XYLT1: variants seen among roughly 807,000 people sequenced by gnomAD.
XYLT1 encodes beta-D-xylosyltransferase 1.
A neutral mutation model predicts 91.3 loss-of-function variants in XYLT1; 36 were observed. That is an observed-to-expected ratio of 0.39 (90% confidence interval 0.30 to 0.52). XYLT1 has a LOEUF of 0.52. XYLT1 is among the 20% of genes least tolerant of loss of function. The pLI, the probability that XYLT1 is intolerant of heterozygous loss-of-function variation, is 0.68. For missense variants in XYLT1, 1,242 were observed against 1,284.5 expected, an observed-to-expected ratio of 0.97 and a Z score of 0.51; for synonymous variants, 588 against 532.0, an observed-to-expected ratio of 1.11 and a Z score of -1.45.
At chr16:17,126,574 A>C (rs1216212450) in intron 10 of XYLT1, among the ~76,000 whole-genome samples, 2 of 152,212 alleles carry the variant, frequency 1.3e-5, no homozygotes, top group Non-Finnish European at 2.9e-5. Context: ...AAGGACTGTC[A>C]AGGAAAATAT....
intron 5 of XYLT1, among the ~76,000 whole-genome samples, chr16:17,176,587 A>T (rs984863680): frequency 1.3e-5 from 2 of 152,238 alleles, no homozygotes; most frequent in Non-Finnish European, 2.9e-5. Context: ...GACTAGCAGA[A>T]GGAGGTTTGT....
At chr16:17,223,092 C>T (rs910623697) in intron 3 of XYLT1, among the ~76,000 whole-genome samples, 10 of 152,020 alleles carry the variant, frequency 6.6e-5, no homozygotes, top group African/African-American at 2.4e-4. Context: ...CTGTCTCTTT[C>T]GTGCAAGCCT....
At position 17,122,912 on chromosome 16, in the gene XYLT1, T is replaced by G. The variant is rs1159980909; in HGVS notation, c.2223+4754A>C. Among the ~76,000 whole-genome samples the G allele has an allele frequency of 2.0e-5, 3 of 152,214 alleles. No individual in the cohort carries two copies. The South Asian group carries it at 6.2e-4, about 31-fold the overall frequency. On this transcript the variant is annotated intron_variant, in intron 10 of 11. Coordinates refer to ENST00000261381, the MANE Select transcript of XYLT1 (RefSeq NM_022166.4). The stretch of plus-strand genomic sequence containing the variant: ...AGTATTTGGCTTTATTTCTGGGTTC[T>G]CTATTCTGTTCCACTGTTCTATATG...
At chr16:17,161,675 G>GCTCT (rs111901583) in intron 5 of XYLT1, among the ~76,000 whole-genome samples, 2,212 of 94,552 alleles carry the variant, frequency 0.023, 51 homozygotes, top group African/African-American at 0.071. Context: ...AGTTTCTCGC[G>GCTCT]CGCTCTCTCT....
rs1472239554 is a variant in XYLT1 at position 17,106,336 on chromosome 16, C to A, written c.*2359G>T. ...AGTGGCTTCGGCAGCCCCAGGGAAA[C>A]CCTGGCCAGAGGCAGAGGCCGGGGG... On this transcript the variant is annotated 3_prime_UTR_variant, in exon 12 of 12. Coordinates refer to ENST00000261381, the MANE Select transcript of XYLT1 (RefSeq NM_022166.4). 1 of 152,332 alleles carries A rather than the reference C, an allele frequency of 6.6e-6. No individual in the cohort carries two copies. The highest frequency in any genetic ancestry group is 1.5e-5 in the Non-Finnish European group (1 of 68,148). The allele number at this position is 152,332 out of a possible 1,614,324, so 9.4% of individuals were successfully genotyped here.
At chr16:17,114,591 C>T (rs1966848315) in intron 11 of XYLT1, among the ~76,000 whole-genome samples, 2 of 152,164 alleles carry the variant, frequency 1.3e-5, no homozygotes, top group Non-Finnish European at 2.9e-5. Context: ...TCCCAAACAA[C>T]TCCCTTTGCT....
At chr16:17,334,987 G>T (rs1350285089) in intron 2 of XYLT1, among the ~76,000 whole-genome samples, 1 of 152,154 alleles carries the variant, frequency 6.6e-6, no homozygotes, top group Non-Finnish European at 1.5e-5. Flanking sequence ...ACTCTAGGAG[G>T]CTGAGGTGGG....
At chr16:17,197,044 G>T (rs919067977) in intron 5 of XYLT1, among the ~76,000 whole-genome samples, 3 of 110,924 alleles carry the variant, frequency 2.7e-5, no homozygotes, top group African/African-American at 1.2e-4. Context: ...TATATATACC[G>T]TTCAGAATAT....
intron 1 of XYLT1, among the ~76,000 whole-genome samples, chr16:17,460,920 C>A (rs1026746764): frequency 2.0e-5 from 3 of 152,196 alleles, no homozygotes; most frequent in African/African-American, 7.2e-5. Context: ...GGTGGCAGAG[C>A]AGAGCACTGA....
Position 17,118,973 on chromosome 16 carries a change from C to T in XYLT1, c.2224-994G>A, listed in dbSNP as rs189856919. ...ACAGAGTCTTTATCTGACCACCCCC[C>T]ACCCCAAATTTCAAATGGACCTTCA... is the stretch of plus-strand genomic sequence containing the variant. On this transcript the variant is annotated intron_variant, in intron 10 of 11. Transcript: ENST00000261381. Among the ~76,000 whole-genome samples, 17 of 152,294 alleles carry T rather than the reference C, an allele frequency of 1.1e-4. No individual in the cohort carries two copies. The East Asian group carries it at 1.2e-3, about 10-fold the overall frequency.
intron 2 of XYLT1, among the ~76,000 whole-genome samples, chr16:17,309,934 C>T (rs1170669151): frequency 6.6e-6 from 1 of 152,030 alleles, no homozygotes; most frequent in Non-Finnish European, 1.5e-5. Flanking sequence ...GGGGTAGGGG[C>T]CCCAGGGGCC....
intron 1 of XYLT1, among the ~76,000 whole-genome samples, chr16:17,362,383 G>A (rs1051815916): frequency 1.3e-5 from 2 of 152,160 alleles, no homozygotes; most frequent in African/African-American, 4.8e-5. Context: ...CAATCCACAC[G>A]TGTTTACTAA....
At chr16:17,160,364 T>C (rs2141542803) in intron 5 of XYLT1, among the ~76,000 whole-genome samples, 1 of 152,166 alleles carries the variant, frequency 6.6e-6, no homozygotes, top group East Asian at 1.9e-4. Flanking sequence ...CCCCTACTGC[T>C]CACCCCCTCC....
intron 2 of XYLT1, among the ~76,000 whole-genome samples, chr16:17,335,217 TCAAAAAAA>T (rs759377576): frequency 5.3e-5 from 8 of 150,464 alleles, no homozygotes; most frequent in Non-Finnish European, 1.2e-4. Flanking sequence ...AGACTCTGTC[TCAAAAAAA>T]CAAAAAAACA....
chr16:17,172,104 G>C (rs937045248), intron 5 of XYLT1, among the ~76,000 whole-genome samples: 3 of 152,146 alleles, frequency 2.0e-5, no homozygotes, highest in Non-Finnish European at 4.4e-5. Context: ...CTGTTAGCAT[G>C]GGTACTCGGT....
intron 3 of XYLT1, among the ~76,000 whole-genome samples, chr16:17,242,026 A>T (rs2033352694): frequency 6.6e-6 from 1 of 152,228 alleles, no homozygotes; most frequent in Non-Finnish European, 1.5e-5. Context: ...ACTCCTCTTT[A>T]TAAAACCATC....
intron 1 of XYLT1, among the ~76,000 whole-genome samples, chr16:17,398,494 G>C (rs2035918819): frequency 6.6e-6 from 1 of 152,160 alleles, no homozygotes; most frequent in Non-Finnish European, 1.5e-5. Context: ...ATTTTTTTCG[G>C]GGAGTAGATG....
At chr16:17,300,458 T>C (rs933841578) in intron 2 of XYLT1, among the ~76,000 whole-genome samples, 2 of 123,614 alleles carry the variant, frequency 1.6e-5, no homozygotes, top group Admixed American at 8.3e-5. Context: ...CTTTCTTTTT[T>C]TTTTTTTTTT....
At chr16:17,203,204 G>T (rs1424828342) in intron 3 of XYLT1, among the ~76,000 whole-genome samples, 1 of 152,124 alleles carries the variant, frequency 6.6e-6, no homozygotes, top group Non-Finnish European at 1.5e-5. Context: ...GTTGCTTGTT[G>T]CTAACCAAAT....
Sources: allele counts gnomAD v4.1 joint callset (sites outside exome capture counted in the v4.1 genomes callset), GRCh38; gene constraint gnomAD v4.1.1; transcripts MANE v1.5; gene names NCBI Gene and HGNC (gene_info 2026-07-23, HGNC 2026-07-21).